The following LRRC7 variants were observed in gnomAD, a reference collection of about 807,000 sequenced individuals.
The protein encoded by LRRC7 is leucine-rich repeat-containing protein 7.
In LRRC7, 23 loss-of-function variants were observed where a neutral mutation model predicts 175.7. The observed-to-expected ratio is 0.13, with a 90% CI of 0.09 to 0.19. LRRC7 has a LOEUF of 0.19. LRRC7 is among the 10% of genes least tolerant of loss of function. The pLI is 1.00. For synonymous variants in LRRC7, 685 were observed against 680.9 expected (o/e 1.01, Z -0.09); for missense variants, 1,354 against 1,904.7 (o/e 0.71, Z 5.38).
intron 7 of LRRC7, among the ~76,000 whole-genome samples, chr1:69,906,313 T>A (rs2101684183): frequency 6.6e-6 from 1 of 152,342 alleles, no homozygotes; most frequent in South Asian, 2.1e-4. Context: ...CTTTTGGTGT[T>A]TTAGACATGA....
chr1:69,637,410 CAGA>C (rs1653560870), intron 1 of LRRC7, among the ~76,000 whole-genome samples: 1 of 151,776 alleles, frequency 6.6e-6, no homozygotes, highest in African/African-American at 2.4e-5. Context: ...TTGAGCATTG[CAGA>C]GTTGGAAAAA....
At chr1:69,888,709 T>C (rs1645735946) in intron 7 of LRRC7, among the ~76,000 whole-genome samples, 1 of 151,944 alleles carries the variant, frequency 6.6e-6, no homozygotes, top group Non-Finnish European at 1.5e-5. Flanking sequence ...ATCTCATTTA[T>C]AGGTGGAATC....
intron 26 of LRRC7, among the ~76,000 whole-genome samples, chr1:70,109,771 A>T (rs950136687): frequency 2.2e-4 from 33 of 152,242 alleles, no homozygotes; most frequent in Admixed American, 2.2e-3. Flanking sequence ...TAAACTAACA[A>T]CATAACTCTC....
intron 2 of LRRC7, among the ~76,000 whole-genome samples, chr1:69,709,975 G>A (rs2100729426): frequency 6.6e-6 from 1 of 152,064 alleles, no homozygotes; most frequent in East Asian, 1.9e-4. Context: ...GATAATGGTA[G>A]GGATGATCTA....
intron 15 of LRRC7, among the ~76,000 whole-genome samples, chr1:70,020,163 T>C (rs1657333329): frequency 6.6e-6 from 1 of 151,976 alleles, no homozygotes; most frequent in African/African-American, 2.4e-5. Flanking sequence ...AGGAGTGTAA[T>C]AAATGAGTTT....
intron 26 of LRRC7, among the ~76,000 whole-genome samples, chr1:70,116,006 A>G (rs1445290113): frequency 6.6e-6 from 1 of 152,228 alleles, no homozygotes; most frequent in East Asian, 1.9e-4. Flanking sequence ...ATTGGCTTGC[A>G]AATCAAGGTA....
chr1:69,894,680 GCTACCATT>G (rs1480758219), intron 7 of LRRC7, among the ~76,000 whole-genome samples: 2 of 152,110 alleles, frequency 1.3e-5, no homozygotes, highest in Non-Finnish European at 2.9e-5. Context: ...AGACAAAAAT[GCTACCATT>G]TTTAAAAACA....
intron 11 of LRRC7, among the ~76,000 whole-genome samples, chr1:69,996,187 CT>C (rs1342046727): frequency 6.6e-6 from 1 of 151,170 alleles, no homozygotes; most frequent in Non-Finnish European, 1.5e-5. Flanking sequence ...TGTTTTTTGG[CT>C]GCATAAAGGT....
intron 1 of LRRC7, among the ~76,000 whole-genome samples, chr1:69,614,537 C>T (rs72936541): frequency 0.024 from 3,674 of 152,066 alleles, 128 homozygotes; most frequent in African/African-American, 0.084. Flanking sequence ...TTTGCCCTGG[C>T]CTCTGAGGCA....
intron 1 of LRRC7, among the ~76,000 whole-genome samples, chr1:69,622,586 G>A (rs567986514): frequency 4.6e-5 from 7 of 152,194 alleles, no homozygotes; most frequent in East Asian, 3.9e-4. Context: ...TGGCTCTTGC[G>A]AAAACACAAG....
chr1:69,833,700 T>C (rs2101318865), intron 5 of LRRC7, among the ~76,000 whole-genome samples: 1 of 152,110 alleles, frequency 6.6e-6, no homozygotes, highest in South Asian at 2.1e-4. Context: ...CAAGCAGTGA[T>C]GGCAACTGTT....
At chr1:69,945,467 G>T (rs1383864970) in intron 8 of LRRC7, among the ~76,000 whole-genome samples, 2 of 152,000 alleles carry the variant, frequency 1.3e-5, no homozygotes, top group African/African-American at 4.8e-5. Context: ...TTTTGCTCAA[G>T]ATTGCTTTGT....
At chr1:69,712,148 G>A (rs780472176) in intron 2 of LRRC7, among the ~76,000 whole-genome samples, 4 of 151,944 alleles carry the variant, frequency 2.6e-5, no homozygotes, top group Non-Finnish European at 4.4e-5. Context: ...TCATAAAGTC[G>A]TTTAAAATAG....
At chr1:69,839,897 A>G (rs1021512901) in intron 7 of LRRC7, among the ~76,000 whole-genome samples, 4 of 152,074 alleles carry the variant, frequency 2.6e-5, no homozygotes, top group Non-Finnish European at 5.9e-5. Flanking sequence ...AATGAGAAAC[A>G]ATAATAACAA....
chr1:70,072,086 T>C (rs551938766), intron 23 of LRRC7, among the ~76,000 whole-genome samples: 13 of 152,336 alleles, frequency 8.5e-5, no homozygotes, highest in African/African-American at 3.1e-4. Flanking sequence ...CTGTAAACTT[T>C]GACAGTTTTT....
intron 5 of LRRC7, among the ~76,000 whole-genome samples, chr1:69,826,667 T>C (rs528731285): frequency 6.6e-6 from 1 of 152,302 alleles, no homozygotes; most frequent in East Asian, 1.9e-4. Context: ...ACTGGCATTT[T>C]AATTATACAA....
intron 1 of LRRC7, among the ~76,000 whole-genome samples, chr1:69,663,861 A>G (rs1657879921): frequency 6.6e-6 from 1 of 151,340 alleles, no homozygotes; most frequent in Middle Eastern, 3.4e-3. Flanking sequence ...AGCTGGGACT[A>G]CAGGCGCCCG....
rs186887824 is a variant in LRRC7, at chr1:70,138,239, C to T, written c.*16352C>T. On this transcript the variant is annotated 3_prime_UTR_variant, in exon 27 of 27. Coordinates refer to ENST00000651989, the MANE Select transcript of LRRC7 (RefSeq NM_001370785.2). ...AATACTTAATCAAAGGACTCCTGAC[C>T]TTCAAGTACCAGTTTGGGCATATTA... 4.6e-5 allele frequency: 7 copies of T among 152,184 alleles called. 1 individual carries two copies. In the East Asian group the frequency reaches 1.4e-3, roughly 29 times the overall value. 9.4% of individuals were successfully genotyped at this position (152,184 alleles called of 1,614,324 possible).
At chr1:69,833,723 A>G (rs1680799501) in intron 5 of LRRC7, among the ~76,000 whole-genome samples, 1 of 151,980 alleles carries the variant, frequency 6.6e-6, no homozygotes. Context: ...TAGGCAGCGT[A>G]GGATCCGAAA....
Sources: allele counts gnomAD v4.1 joint callset (sites outside exome capture counted in the v4.1 genomes callset), GRCh38; gene constraint gnomAD v4.1.1; transcripts MANE v1.5; gene names NCBI Gene and HGNC (gene_info 2026-07-23, HGNC 2026-07-21).